Variants in SFPQ observed in about 807,000 individuals in gnomAD.
SFPQ encodes splicing factor, proline- and glutamine-rich.
SFPQ carries 11 observed loss-of-function variants against 72.9 expected under a neutral mutation model. The observed-to-expected ratio is 0.15, with a 90% CI of 0.09 to 0.25. The LOEUF (loss-of-function observed/expected upper bound fraction) is 0.25. SFPQ is among the 10% of genes least tolerant of loss of function. SFPQ has a pLI of 1.00. For missense variants in SFPQ, 847 were observed against 993.3 expected (o/e 0.85, Z 1.98); for synonymous variants, 506 against 367.3 (o/e 1.38, Z -4.32).
At chr1:35,181,297 T>G (rs1639454274), downstream of SFPQ, 1 of 1,065,750 alleles carries the variant, frequency 9.4e-7, no homozygotes. Flanking sequence ...TAGTGCATAA[T>G]TGCAGTCCAA....
At chr1:35,179,158 C>G, downstream of SFPQ, 1 of 1,060,352 alleles carries the variant, frequency 9.4e-7, no homozygotes, top group Non-Finnish European at 1.1e-6. Flanking sequence ...TCCTGGCTCT[C>G]TAAAACCTGT....
At chr1:35,176,742 C>T (rs1175877353) in intron 5 of SFPQ, among the ~76,000 whole-genome samples, 4 of 151,716 alleles carry the variant, frequency 2.6e-5, no homozygotes, top group African/African-American at 4.8e-5. Context: ...GCGTGTGTGG[C>T]GGGCGCCTGC....
downstream of SFPQ, chr1:35,180,205 A>G (rs545553727): frequency 4.8e-6 from 5 of 1,052,062 alleles, no homozygotes; most frequent in Non-Finnish European, 5.7e-6. Flanking sequence ...ATTATACATG[A>G]AAACTGTCTC....
At position 35,192,364 on chromosome 1, in the gene SFPQ, C is replaced by A; in HGVS notation, c.686G>T (p.Gly229Val). ...GGGPGLSTPGGHPKPPHRGGG... is the reference protein window; with the variant it reads ...GGGPGLSTPGVHPKPPHRGGG... ...GCCTCGATGCGGCGGCTTGGGGTGGCCGCCAGGCGTACTTAGGCCCGGGCC... is the reference window on the plus strand; with the variant it reads ...GCCTCGATGCGGCGGCTTGGGGTGGACGCCAGGCGTACTTAGGCCCGGGCC... The change falls in exon 1 of 10, where the codon GGC becomes GTC. Residue 229 changes from glycine (G) to valine (V), a missense_variant. Around this residue, in one of 6 missense-constraint regions of SFPQ, gnomAD observed 498 missense variants for 405.1 expected, o/e 1.23. Transcript: ENST00000357214. 1 of 1,387,994 alleles carries A rather than the reference C, an allele frequency of 7.2e-7. No individual in the cohort carries two copies. The highest frequency in any genetic ancestry group is 1.6e-5 in the South Asian group (1 of 61,750). 86.0% of individuals were successfully genotyped at this position (1,387,994 alleles called of 1,614,324 possible).
At position 35,192,261 on chromosome 1, in the gene SFPQ, C is replaced by T; in HGVS notation, c.789G>A (p.Gly263=). The part of the protein sequence containing the change: ...QQHHQGPPPG[G]PGGRSEEKIS... ...TCTTCTCCTCGCTGCGGCCGCCGGG[C>T]CCGCCGGGCGGGGGCCCCTGGTGAT... Residue 263 remains glycine, a synonymous_variant, in exon 1 of 10, where the codon GGG becomes GGA. Coordinates refer to ENST00000357214, the MANE Select transcript of SFPQ (RefSeq NM_005066.3). The T allele has an allele frequency of 2.1e-6, 3 of 1,463,392 alleles. No homozygotes were observed. Among genetic ancestry groups the T allele is most frequent in the Non-Finnish European group, 2.7e-6 (3 of 1,115,160 alleles). The allele number at this position is 1,463,392 out of a possible 1,614,324, so 90.7% of individuals were successfully genotyped here.
At chr1:35,191,970 C>T (rs148475643) in intron 1 of SFPQ, among the ~76,000 whole-genome samples, 39 of 152,250 alleles carry the variant, frequency 2.6e-4, no homozygotes, top group African/African-American at 8.4e-4. Context: ...TCTGCAGGGC[C>T]GACCACCGCG....
Position 35,189,243 on chromosome 1 carries a change from A to G in SFPQ, c.1555T>C (p.Leu519=), listed in dbSNP as rs764354284. The change falls in exon 5 of 10, where the codon TTG becomes CTG. Residue 519 remains leucine, a synonymous_variant. Transcript: ENST00000357214. ...TAGGCATCTTCCATTTCACTTTCCA[A>G]TTTGTCTTTTGCATCTTTCATGTTT... ...EKNMKDAKDK[L]ESEMEDAYHE... The G allele has an allele frequency of 4.3e-6, 7 of 1,613,830 alleles. No individual in the cohort carries two copies. The highest frequency in any genetic ancestry group is 2.2e-5 in the East Asian group (1 of 44,870).
At chr1:35,186,864 A>T in intron 9 of SFPQ, 137 bp downstream of exon 9, 1 of 786,632 alleles carries the variant, frequency 1.3e-6, no homozygotes, top group South Asian at 1.8e-5. Flanking sequence ...AATATTACAT[A>T]TTTATGTATG....
chr1:35,179,835 A>G, downstream of SFPQ: 1 of 1,053,996 alleles, frequency 9.5e-7, no homozygotes, highest in Non-Finnish European at 1.1e-6. Flanking sequence ...CCCAATCACT[A>G]AACCACGGCA....
At chr1:35,185,595 C>T (rs1427617563) in intron 9 of SFPQ, among the ~76,000 whole-genome samples, 1 of 152,114 alleles carries the variant, frequency 6.6e-6, no homozygotes, top group Non-Finnish European at 1.5e-5. Context: ...TTTCTCATTC[C>T]ATTTATAATA....
At chr1:35,187,393 T>A (rs1036220349) in intron 7 of SFPQ, 142 bp from the exon 8 acceptor site, 2 of 843,164 alleles carry the variant, frequency 2.4e-6, no homozygotes. Context: ...GAAATCAATA[T>A]TCTGAAAACT....
downstream of SFPQ, chr1:35,179,850 G>A (rs1570106538): frequency 2.8e-6 from 3 of 1,053,714 alleles, no homozygotes; most frequent in Non-Finnish European, 3.4e-6. Flanking sequence ...ACGGCAGCAA[G>A]CACTGGCCAC....
At position 35,189,210 on chromosome 1, in the gene SFPQ, G is replaced by A; in HGVS notation, c.1588C>T (p.His530Tyr). The change falls in exon 5 of 10, where the codon CAT (histidine) becomes TAT (tyrosine). Residue 530 changes from histidine to tyrosine, a missense_variant. Coordinates refer to ENST00000357214, the MANE Select transcript of SFPQ (RefSeq NM_005066.3). ...CCTTGGCGCAAAAGATTTGCCTGATGTTCATGATAGGCATCTTCCATTTCA... is the reference window on the plus strand; with the variant it reads ...CCTTGGCGCAAAAGATTTGCCTGATATTCATGATAGGCATCTTCCATTTCA... ...ESEMEDAYHE[H>Y]QANLLRQDLM... The A allele has an allele frequency of 6.2e-7, 1 of 1,613,910 alleles. No individual in the cohort carries two copies. The highest frequency in any genetic ancestry group is 8.5e-7 in the Non-Finnish European group (1 of 1,179,826).
chr1:35,179,671 G>T, downstream of SFPQ: 1 of 1,055,668 alleles, frequency 9.5e-7, no homozygotes, highest in Non-Finnish European at 1.1e-6. Flanking sequence ...ATTCTAAAGT[G>T]CAAAAGCCTA....
chr1:35,177,375 G>A (rs1639288381), exon 5 of SFPQ: 1 of 152,080 alleles, frequency 6.6e-6, no homozygotes, highest in South Asian at 2.1e-4. Flanking sequence ...CACGCTGTGT[G>A]ATGTCTTGAG....
Position 35,192,279 on chromosome 1 carries a change from C to T in SFPQ, c.771G>A (p.Gln257=), listed in dbSNP as rs1640055419. 2 of 1,462,506 alleles carry T rather than the reference C, an allele frequency of 1.4e-6. No individual in the cohort carries two copies. Among genetic ancestry groups the T allele is most frequent in the East Asian group, 3.1e-5 (1 of 32,572 alleles). 90.6% of individuals were successfully genotyped at this position (1,462,506 alleles called of 1,614,324 possible). Residue 257 remains glutamine, a synonymous_variant, in exon 1 of 10, where the codon CAG becomes CAA. Coordinates refer to ENST00000357214, the MANE Select transcript of SFPQ (RefSeq NM_005066.3). ...HHPPYHQQHH[Q]GPPPGGPGGR... The stretch of plus-strand genomic sequence containing the variant: ...CGCCGGGCCCGCCGGGCGGGGGCCC[C>T]TGGTGATGCTGCTGGTGGTAGGGCG...
downstream of SFPQ, chr1:35,181,393 C>T: frequency 9.4e-7 from 1 of 1,064,414 alleles, no homozygotes; most frequent in Non-Finnish European, 1.1e-6. Flanking sequence ...TAATATGCCA[C>T]TTAAAAATTG....
chr1:35,187,915 T>C (rs977463350), intron 7 of SFPQ, 58 bp downstream of exon 7: 22 of 1,011,324 alleles, frequency 2.2e-5, no homozygotes, highest in African/African-American at 3.2e-5. Flanking sequence ...TAATTCCTTC[T>C]AGGTACCTGC....
At chr1:35,179,046 T>C (rs551979117), downstream of SFPQ, 1 of 1,059,090 alleles carries the variant, frequency 9.4e-7, no homozygotes, top group South Asian at 4.6e-5. Context: ...TCAAATCCTC[T>C]GAATTCTTTC....
Sources: gnomAD v4.1 joint callset for allele counts (sites outside exome capture counted in the v4.1 genomes callset) on GRCh38, gnomAD v4.1.1 for gene constraint, gnomAD v4.1.1 regional missense constraint, MANE v1.5 for transcripts, NCBI Gene and HGNC (gene_info 2026-07-23, HGNC 2026-07-21) for gene names.